The following SHLD2 variants were observed in gnomAD, a reference collection of about 807,000 sequenced individuals.
SHLD2 encodes the protein RINN1-REV7-interacting novel NHEJ regulator 2.
In SHLD2, 30 loss-of-function variants were observed where a neutral mutation model predicts 73.2. The ratio of observed to expected loss-of-function variants is 0.41; its 90% CI spans 0.31 to 0.56. SHLD2 has a LOEUF of 0.56. Ranked by LOEUF, SHLD2 falls within the 20% of genes least tolerant of loss-of-function variation. The probability of loss-of-function intolerance (pLI) is 0.28; values close to 1 mark genes in which losing one functional copy is unlikely to be tolerated. For synonymous variants in SHLD2, 285 were observed against 370.1 expected, an observed-to-expected ratio of 0.77 and a Z score of 2.64; for missense variants, 745 against 1,055.9, an observed-to-expected ratio of 0.71 and a Z score of 4.08.
chr10:87,143,671 A>G (rs1845366274), intron 2 of SHLD2, among the ~76,000 whole-genome samples: 3 of 152,122 alleles, frequency 2.0e-5, no homozygotes, highest in Non-Finnish European at 4.4e-5. Flanking sequence ...ATTAGAAGGC[A>G]CATTCTTCAT....
At chr10:87,126,531 AC>A (rs1844020875) in intron 2 of SHLD2, among the ~76,000 whole-genome samples, 1 of 152,068 alleles carries the variant, frequency 6.6e-6, no homozygotes, top group Non-Finnish European at 1.5e-5. Flanking sequence ...TTAAAAAAAA[AC>A]CCCAGGTAAA....
intron 2 of SHLD2, among the ~76,000 whole-genome samples, chr10:87,123,892 T>C (rs1275545540): frequency 6.6e-6 from 1 of 152,220 alleles, no homozygotes; most frequent in Non-Finnish European, 1.5e-5. Flanking sequence ...TGCTCTTCCT[T>C]AGTAAATTTC....
At chr10:87,117,679 C>T (rs1470334547) in intron 2 of SHLD2, among the ~76,000 whole-genome samples, 2 of 151,972 alleles carry the variant, frequency 1.3e-5, no homozygotes, top group African/African-American at 2.4e-5. Flanking sequence ...CCTGTAGTCC[C>T]AGCTACTTGA....
At chr10:87,142,930 T>C (rs1313829868) in intron 2 of SHLD2, among the ~76,000 whole-genome samples, 1 of 132,392 alleles carries the variant, frequency 7.6e-6, no homozygotes, top group African/African-American at 3.0e-5. Context: ...TACTTTTTTT[T>C]TTTTTTTTTT....
At chr10:87,129,852 G>A (rs990558644) in intron 2 of SHLD2, among the ~76,000 whole-genome samples, 25 of 151,894 alleles carry the variant, frequency 1.6e-4, no homozygotes, top group African/African-American at 6.0e-4. Flanking sequence ...ACTCTTAAGC[G>A]CCAAGCATTT....
chr10:87,136,570 T>C (rs1361555147), intron 2 of SHLD2, among the ~76,000 whole-genome samples: 1 of 152,116 alleles, frequency 6.6e-6, no homozygotes, highest in Non-Finnish European at 1.5e-5. Context: ...CTATAAATAT[T>C]TCTATATGTA....
At chr10:87,132,090 TTTA>T (rs1215260084) in intron 2 of SHLD2, among the ~76,000 whole-genome samples, 1 of 152,218 alleles carries the variant, frequency 6.6e-6, no homozygotes, top group Non-Finnish European at 1.5e-5. Context: ...GTAAGAGTTC[TTTA>T]TACATTCTGG....
chr10:87,106,490 C>G (rs1211576753), intron 2 of SHLD2, among the ~76,000 whole-genome samples: 2 of 152,158 alleles, frequency 1.3e-5, no homozygotes, highest in Non-Finnish European at 2.9e-5. Flanking sequence ...ATACAGTAAA[C>G]AGTCTTCAAA....
At chr10:87,153,169 TC>T (rs1251688807) in intron 3 of SHLD2, among the ~76,000 whole-genome samples, 1 of 152,120 alleles carries the variant, frequency 6.6e-6, no homozygotes, top group Non-Finnish European at 1.5e-5. Flanking sequence ...ACACTTGTAA[TC>T]CCAGCACTTT....
intron 2 of SHLD2, among the ~76,000 whole-genome samples, chr10:87,117,897 G>A (rs965920141): frequency 3.0e-4 from 46 of 152,274 alleles, no homozygotes; most frequent in African/African-American, 1.0e-3. Flanking sequence ...CAGTTTTCTC[G>A]AGGGATATTC....
At chr10:87,095,541 C>T (rs1306901157) in intron 1 of SHLD2, among the ~76,000 whole-genome samples, 1 of 152,160 alleles carries the variant, frequency 6.6e-6, no homozygotes, top group African/African-American at 2.4e-5. Context: ...GCCGCCGCCG[C>T]GTAAGGCCGG....
chr10:87,173,494 G>T (rs1010060705), intron 6 of SHLD2, among the ~76,000 whole-genome samples: 3 of 151,886 alleles, frequency 2.0e-5, no homozygotes, highest in Non-Finnish European at 4.4e-5. Flanking sequence ...TAAAATAAAA[G>T]AATAGTTAAT....
upstream of SHLD2, chr10:87,094,844 G>T: frequency 8.3e-7 from 1 of 1,202,478 alleles, no homozygotes. This position sits in a 1 kb window ranked among gnomAD's most constrained non-coding sequence, Gnocchi z 6.6. Flanking sequence ...GACTAGGGAG[G>T]AAGGGTCCCG....
intron 1 of SHLD2, among the ~76,000 whole-genome samples, chr10:87,096,242 G>C (rs1481438586): frequency 2.0e-5 from 3 of 151,868 alleles, no homozygotes; most frequent in Admixed American, 1.3e-4. Flanking sequence ...ACGGGGTTTC[G>C]CTGTGCTGGC....
At chr10:87,094,476 C>T, upstream of SHLD2, 1 of 1,613,670 alleles carries the variant, frequency 6.2e-7, no homozygotes, top group South Asian at 1.1e-5. The surrounding 1 kb of genome is among the most constrained non-coding windows in gnomAD (Gnocchi z 6.6). Flanking sequence ...CCCGGTTCCG[C>T]TTCTGCTCCT....
intron 2 of SHLD2, among the ~76,000 whole-genome samples, chr10:87,118,503 T>A (rs1843391717): frequency 6.8e-6 from 1 of 147,054 alleles, no homozygotes; most frequent in African/African-American, 2.5e-5. Flanking sequence ...CCTTTCACAA[T>A]GACCTTCCCA....
chr10:87,168,963 G>A (rs1279149160), intron 4 of SHLD2, among the ~76,000 whole-genome samples: 5 of 152,058 alleles, frequency 3.3e-5, no homozygotes, highest in Non-Finnish European at 7.4e-5. Context: ...TTTATAGTGA[G>A]GTGTTACATG....
At chr10:87,098,839 G>A (rs981204460) in intron 2 of SHLD2, among the ~76,000 whole-genome samples, 1 of 152,042 alleles carries the variant, frequency 6.6e-6, no homozygotes, top group Non-Finnish European at 1.5e-5. Flanking sequence ...GCGGTGGCAC[G>A]ATCACAGTTT....
At chr10:87,129,486 C>T (rs1485447930) in intron 2 of SHLD2, among the ~76,000 whole-genome samples, 5 of 152,158 alleles carry the variant, frequency 3.3e-5, no homozygotes, top group Non-Finnish European at 5.9e-5. Flanking sequence ...TGTTTTCTCC[C>T]GTGGATTCCC....
Sources: gnomAD v4.1 joint callset for allele counts (sites outside exome capture counted in the v4.1 genomes callset) on GRCh38, gnomAD v4.1.1 for gene constraint, Gnocchi (gnomAD v3.1) non-coding constraint, MANE v1.5 for transcripts, NCBI Gene and HGNC (gene_info 2026-07-23, HGNC 2026-07-21) for gene names.